The following ZNF423 variants were observed in gnomAD, a reference collection of about 807,000 sequenced individuals.
The protein encoded by ZNF423 is zinc finger protein 423.
A neutral mutation model predicts 95.8 loss-of-function variants in ZNF423; 12 were observed. That is an observed-to-expected ratio of 0.13 (90% CI 0.08 to 0.20). ZNF423 has a LOEUF of 0.20. Ranked by LOEUF, ZNF423 falls within the 10% of genes least tolerant of loss-of-function variation. The pLI, the probability that ZNF423 is intolerant of heterozygous loss-of-function variation, is 1.00. For missense variants in ZNF423, 1,316 were observed against 1,737.1 expected (o/e 0.76, Z 4.31); for synonymous variants, 749 against 711.9 (o/e 1.05, Z -0.83).
rs552747637 is a variant in ZNF423, at chr16:49,576,198, G to A, written c.3601+49972C>T. Among the ~76,000 whole-genome samples the A allele has an allele frequency of 2.0e-5, 3 of 152,280 alleles. No homozygotes were observed. The East Asian group carries it at 5.8e-4, about 29-fold the overall frequency. ...GCCCTCATCATATTTCCTGCTGCCC[G>A]CATTGACCACTTACTGTATACCAAG... On this transcript the variant is annotated intron_variant, in intron 5 of 7. Coordinates refer to ENST00000563137, the MANE Select transcript of ZNF423 (RefSeq NM_001379286.1).
intron 5 of ZNF423, among the ~76,000 whole-genome samples, chr16:49,611,568 C>G (rs536515123): frequency 3.0e-4 from 46 of 152,042 alleles, no homozygotes; most frequent in African/African-American, 1.0e-3. Context: ...ATTAATTAAG[C>G]TTCCACCTCA....
rs959120102 is a variant in ZNF423 at position 49,815,420 on chromosome 16, T to C, written c.41-25874A>G. Among the ~76,000 whole-genome samples, 5 of 152,120 alleles carry C rather than the reference T, an allele frequency of 3.3e-5. No individual in the cohort carries two copies. The East Asian group carries it at 9.7e-4, about 29-fold the overall frequency. On this transcript the variant is annotated intron_variant, in intron 1 of 7. Transcript: ENST00000563137. ...TCATTCACAAGGGAAGTAGGGGGCC[T>C]GGCACCTGCTTCTGCTTCATCAGGC...
chr16:49,839,880 C>T (rs923759600), intron 1 of ZNF423, among the ~76,000 whole-genome samples: 1 of 152,304 alleles, frequency 6.6e-6, no homozygotes, highest in South Asian at 2.1e-4. Flanking sequence ...CCCCCTTCAC[C>T]ATCTGGGATC....
intron 3 of ZNF423, among the ~76,000 whole-genome samples, chr16:49,716,415 T>C (rs2032707960): frequency 6.6e-6 from 1 of 151,880 alleles, no homozygotes; most frequent in Non-Finnish European, 1.5e-5. Flanking sequence ...CTGGCTGCCA[T>C]TCCCCCACCT....
chr16:49,510,480 C>T (rs1020423434), intron 7 of ZNF423, among the ~76,000 whole-genome samples: 6 of 152,236 alleles, frequency 3.9e-5, no homozygotes, highest in African/African-American at 1.2e-4. Flanking sequence ...GACCTCACAG[C>T]AAGCCCTTCC....
intron 3 of ZNF423, among the ~76,000 whole-genome samples, chr16:49,690,477 G>A (rs1257019408): frequency 6.6e-6 from 1 of 152,220 alleles, no homozygotes; most frequent in South Asian, 2.1e-4. Context: ...AGCTAAGATC[G>A]TGCCACTGCA....
chr16:49,822,773 C>T lies in ZNF423; in HGVS notation c.40+32962G>A, dbSNP rs752782038. ...TAAATACAAAATTTCTTATTGCAGG[C>T]TAGTAAGCATGTGCAATCTCCTGGT... On this transcript the variant is annotated intron_variant, in intron 1 of 7. Coordinates refer to ENST00000563137, the MANE Select transcript of ZNF423 (RefSeq NM_001379286.1). The T allele has an allele frequency of 2.0e-4, 315 of 1,551,024 alleles. 1 individual carries two copies. Among genetic ancestry groups the T allele is most frequent in the Non-Finnish European group, 2.7e-4 (303 of 1,138,918 alleles).
intron 2 of ZNF423, among the ~76,000 whole-genome samples, chr16:49,752,075 C>T (rs1172367886): frequency 6.6e-6 from 1 of 152,250 alleles, no homozygotes; most frequent in African/African-American, 2.4e-5. Flanking sequence ...AAAGTGCTCA[C>T]CCCCAAATCC....
chr16:49,764,722 T>TA (rs2033896755), intron 2 of ZNF423: 1 of 152,072 alleles, frequency 6.6e-6, no homozygotes, highest in Non-Finnish European at 1.5e-5. Flanking sequence ...AGCCTGTGGA[T>TA]ACGACACCCA....
intron 5 of ZNF423, among the ~76,000 whole-genome samples, chr16:49,580,390 T>C (rs575531705): frequency 6.6e-6 from 1 of 152,192 alleles, no homozygotes; most frequent in Non-Finnish European, 1.5e-5. Context: ...TGTTTGCCTG[T>C]TTATTCCTGG....
At chr16:49,810,523 T>C (rs552019230) in intron 1 of ZNF423, among the ~76,000 whole-genome samples, 1 of 152,248 alleles carries the variant, frequency 6.6e-6, no homozygotes, top group African/African-American at 2.4e-5. Context: ...CCTGGGCGCA[T>C]CAGGGTCCCC....
At chr16:49,607,069 A>ATTTT (rs56023806) in intron 5 of ZNF423, among the ~76,000 whole-genome samples, 1 of 141,054 alleles carries the variant, frequency 7.1e-6, no homozygotes, top group Non-Finnish European at 1.5e-5. Context: ...AATGTTTTGG[A>ATTTT]TTTTTTTTTT....
chr16:49,548,481 A>G (rs1389511869), intron 5 of ZNF423, among the ~76,000 whole-genome samples: 1 of 152,148 alleles, frequency 6.6e-6, no homozygotes, highest in African/African-American at 2.4e-5. Context: ...CAGCTCTGAC[A>G]CCAGTGTACT....
At chr16:49,628,656 C>A (rs1972394429) in intron 4 of ZNF423, among the ~76,000 whole-genome samples, 1 of 152,294 alleles carries the variant, frequency 6.6e-6, no homozygotes, top group South Asian at 2.1e-4. Context: ...ACTGTTCCTG[C>A]CAACTCTGGT....
intron 1 of ZNF423, among the ~76,000 whole-genome samples, chr16:49,842,018 C>G (rs533711221): frequency 1.3e-5 from 2 of 152,114 alleles, no homozygotes; most frequent in Non-Finnish European, 2.9e-5. Context: ...GGGCGGATCA[C>G]CTGAGGTCAG....
intron 5 of ZNF423, among the ~76,000 whole-genome samples, chr16:49,539,452 G>A (rs1171136758): frequency 6.6e-6 from 1 of 152,168 alleles, no homozygotes; most frequent in African/African-American, 2.4e-5. Flanking sequence ...GTGCAGCCTC[G>A]GAGTCAGATT....
In ZNF423 at chr16:49,775,828, G is replaced by A. The variant is rs575430890; in HGVS notation, c.100+13659C>T. Among the ~76,000 whole-genome samples the A allele has an allele frequency of 2.6e-5, 4 of 152,276 alleles. No individual in the cohort carries two copies. In the South Asian group the frequency reaches 8.3e-4, roughly 32 times the overall value. ...GTGGTGAATCAGGATTGAAATAAGG[G>A]CCTATCTGCCTGAAAACCCATGCCC... On this transcript the variant is annotated intron_variant, in intron 2 of 7. Transcript: ENST00000563137.
chr16:49,541,050 C>G (rs887408466), intron 5 of ZNF423, among the ~76,000 whole-genome samples: 6 of 152,216 alleles, frequency 3.9e-5, no homozygotes, highest in African/African-American at 1.4e-4. Context: ...CTCAGCTCCA[C>G]AGGCACACTC....
intron 2 of ZNF423, among the ~76,000 whole-genome samples, chr16:49,766,459 T>C (rs569994832): frequency 2.1e-3 from 315 of 152,370 alleles, no homozygotes; most frequent in Non-Finnish European, 3.4e-3. Flanking sequence ...GGAGACCTGA[T>C]GCCACAGCAC....
Sources: allele counts gnomAD v4.1 joint callset (sites outside exome capture counted in the v4.1 genomes callset), GRCh38; gene constraint gnomAD v4.1.1; transcripts MANE v1.5; gene names NCBI Gene and HGNC (gene_info 2026-07-23, HGNC 2026-07-21).